PDE4D: variants seen among roughly 807,000 people sequenced by gnomAD.
PDE4D encodes the protein phosphodiesterase 4D, also known as 3',5'-cyclic-AMP phosphodiesterase 4D.
Under a neutral mutation model 87.4 loss-of-function variants are expected in PDE4D, and 24 were observed. That is an observed-to-expected ratio of 0.27 (90% CI 0.20 to 0.39). The LOEUF is 0.39. PDE4D is among the 10% of genes least tolerant of loss of function. PDE4D has a pLI of 1.00. For missense variants in PDE4D, 714 were observed against 1,041.0 expected (o/e 0.69, Z 4.32); for synonymous variants, 384 against 383.2 (o/e 1.00, Z -0.02).
intron 1 of PDE4D, among the ~76,000 whole-genome samples, chr5:59,370,508 A>C (rs767230784): frequency 7.2e-5 from 11 of 152,226 alleles, no homozygotes; most frequent in Non-Finnish European, 1.3e-4. Flanking sequence ...TTAAGATTTA[A>C]ATGTCAGTTT....
chr5:59,857,621 T>C (rs200306080), intron 1 of PDE4D, among the ~76,000 whole-genome samples: 1 of 152,096 alleles, frequency 6.6e-6, no homozygotes, highest in East Asian at 1.9e-4. Context: ...CCACTACCTT[T>C]AGAACTAGTA....
intron 1 of PDE4D, among the ~76,000 whole-genome samples, chr5:60,275,166 G>T (rs141531361): frequency 6.6e-6 from 1 of 152,086 alleles, no homozygotes; most frequent in African/African-American, 2.4e-5. Flanking sequence ...TCAGAATCTC[G>T]CTGGATGGGA....
At chr5:60,234,601 A>G (rs1349426331) in intron 1 of PDE4D, among the ~76,000 whole-genome samples, 1 of 151,858 alleles carries the variant, frequency 6.6e-6, no homozygotes, top group Non-Finnish European at 1.5e-5. Flanking sequence ...TTCTGGAAGG[A>G]ACTTGTGAAG....
intron 1 of PDE4D, among the ~76,000 whole-genome samples, chr5:59,353,771 C>A (rs567038596): frequency 3.4e-4 from 52 of 152,104 alleles, no homozygotes; most frequent in African/African-American, 1.2e-3. Context: ...CTCTTTCAAT[C>A]CTTCTTTCTG....
chr5:59,009,543 C>G (rs1010261072), intron 6 of PDE4D, among the ~76,000 whole-genome samples: 1 of 152,082 alleles, frequency 6.6e-6, no homozygotes, highest in Non-Finnish European at 1.5e-5. Flanking sequence ...ATTATTCATT[C>G]TGGCAAGGCA....
chr5:60,144,672 CT>C (rs1780844768), intron 2 of PDE4D, among the ~76,000 whole-genome samples: 1 of 152,180 alleles, frequency 6.6e-6, no homozygotes, highest in Non-Finnish European at 1.5e-5. Context: ...TTTTACTTAT[CT>C]GACCATACCA....
Position 59,676,096 on chromosome 5 carries a change from T to TAC in PDE4D, c.455+217071_455+217072insGT, listed in dbSNP as rs758761936. On this transcript the variant is annotated intron_variant, in intron 1 of 14. Transcript: ENST00000340635. Reference sequence around the variant, plus strand: ...AGGGATCAAGATATATGTATATGTATATACACACACACACACACACACATT... The same window carrying TAC: ...AGGGATCAAGATATATGTATATGTATACATACACACACACACACACACACATT... 3.0e-3 allele frequency among the ~76,000 whole-genome samples: 413 copies of TAC among 137,418 alleles called. 1 individual carries two copies. The highest frequency in any genetic ancestry group is 6.0e-3 in the South Asian group (26 of 4,316). 90.2% of individuals were successfully genotyped at this position (137,418 alleles called of 152,430 possible). A position where few individuals can be genotyped will look rare whatever the true frequency, so the allele number is the denominator to read the frequency against.
At chr5:60,472,545 A>G (rs1393712145) in intron 1 of PDE4D, among the ~76,000 whole-genome samples, 1 of 152,176 alleles carries the variant, frequency 6.6e-6, no homozygotes, top group East Asian at 1.9e-4. Flanking sequence ...TCAATCCTGT[A>G]AACTACAACC....
At chr5:59,255,023 T>TA (rs1229299737) in intron 1 of PDE4D, among the ~76,000 whole-genome samples, 3 of 152,092 alleles carry the variant, frequency 2.0e-5, no homozygotes, top group African/African-American at 7.2e-5. Flanking sequence ...AGGTTAAACT[T>TA]AGAGCTACCA....
chr5:60,092,521 A>G (rs940909517), intron 2 of PDE4D, among the ~76,000 whole-genome samples: 3 of 152,318 alleles, frequency 2.0e-5, no homozygotes, highest in African/African-American at 7.2e-5. Flanking sequence ...TACACATTGT[A>G]TACATGTATA....
chr5:60,417,998 T>C (rs76018633), intron 1 of PDE4D, among the ~76,000 whole-genome samples: 4,161 of 152,178 alleles, frequency 0.027, 90 homozygotes, highest in Middle Eastern at 0.079. Context: ...GACAAGAACC[T>C]GAAAAAGAGA....
At chr5:59,112,163 C>T (rs763128705) in intron 5 of PDE4D, among the ~76,000 whole-genome samples, 4 of 151,982 alleles carry the variant, frequency 2.6e-5, no homozygotes, top group East Asian at 1.9e-4. Flanking sequence ...CCTAAGATAC[C>T]GGGGGAAAGA....
chr5:59,582,189 A>G (rs543952608), intron 1 of PDE4D, among the ~76,000 whole-genome samples: 1 of 152,334 alleles, frequency 6.6e-6, no homozygotes, highest in East Asian at 1.9e-4. Flanking sequence ...AGACACTGCA[A>G]TAATTTTAAG....
intron 1 of PDE4D, among the ~76,000 whole-genome samples, chr5:60,400,249 A>G (rs980430160): frequency 6.6e-6 from 1 of 152,204 alleles, no homozygotes; most frequent in Non-Finnish European, 1.5e-5. Flanking sequence ...CTATATTGAA[A>G]TATAAATTCT....
chr5:59,291,297 G>A (rs953494877), intron 1 of PDE4D, among the ~76,000 whole-genome samples: 1 of 152,038 alleles, frequency 6.6e-6, no homozygotes, highest in Admixed American at 6.6e-5. Context: ...GGATGGAAGT[G>A]GAGATAATTA....
intron 1 of PDE4D, among the ~76,000 whole-genome samples, chr5:59,805,451 G>A (rs1345278367): frequency 6.6e-6 from 1 of 152,182 alleles, no homozygotes; most frequent in Non-Finnish European, 1.5e-5. Context: ...TGAGCCAAGT[G>A]TGTTCACTTA....
intron 5 of PDE4D, among the ~76,000 whole-genome samples, chr5:59,107,042 G>GA (rs1454360192): frequency 6.6e-6 from 1 of 151,566 alleles, no homozygotes; most frequent in African/African-American, 2.4e-5. Flanking sequence ...AATGTTTTTT[G>GA]AAAAAAACAG....
At chr5:59,330,325 T>C (rs567761992) in intron 1 of PDE4D, among the ~76,000 whole-genome samples, 10 of 152,260 alleles carry the variant, frequency 6.6e-5, no homozygotes, top group African/African-American at 2.4e-4. Context: ...TTTCCCTTGG[T>C]AAGGTAACTA....
intron 1 of PDE4D, among the ~76,000 whole-genome samples, chr5:60,317,357 A>G (rs963166189): frequency 6.6e-6 from 1 of 151,812 alleles, no homozygotes; most frequent in South Asian, 2.1e-4. Context: ...TTTTTATTGC[A>G]TCTATTTGAT....
Sources: allele counts gnomAD v4.1 joint callset (sites outside exome capture counted in the v4.1 genomes callset), GRCh38; gene constraint gnomAD v4.1.1; transcripts MANE v1.5; gene names NCBI Gene and HGNC (gene_info 2026-07-23, HGNC 2026-07-21).